Variants in ITPR1 observed in about 807,000 individuals in gnomAD.
ITPR1 encodes the protein inositol 1,4,5-trisphosphate-gated calcium channel ITPR1.
Under a neutral mutation model 318.4 loss-of-function variants are expected in ITPR1, and 96 were observed. The ratio of observed to expected loss-of-function variants is 0.30; its 90% CI spans 0.26 to 0.36. ITPR1 has a LOEUF of 0.36. ITPR1 is among the 10% of genes least tolerant of loss of function. The pLI is 1.00. For missense variants in ITPR1, 2,440 were observed against 3,460.2 expected (o/e 0.71, Z 7.40); for synonymous variants, 1,312 against 1,289.9 (o/e 1.02, Z -0.37).
intron 2 of ITPR1, among the ~76,000 whole-genome samples, chr3:4,501,937 G>A (rs376207408): frequency 2.0e-3 from 309 of 152,246 alleles, no homozygotes; most frequent in African/African-American, 7.0e-3. Flanking sequence ...GATATAATGC[G>A]GCTTATCAGA....
chr3:4,518,760 C>T (rs76827887), intron 3 of ITPR1, among the ~76,000 whole-genome samples: 1 of 152,130 alleles, frequency 6.6e-6, no homozygotes. Flanking sequence ...TCTGAATTGC[C>T]TTTTTAGCTT....
intron 5 of ITPR1, among the ~76,000 whole-genome samples, chr3:4,632,476 A>G (rs780133880): frequency 1.2e-4 from 19 of 152,134 alleles, no homozygotes; most frequent in Admixed American, 1.0e-3. Context: ...GGGCAGCTCT[A>G]CTTCCCTACT....
In ITPR1 at chr3:4,779,798, G is replaced by A. The variant is rs1021313132; in HGVS notation, c.6387+153G>A. The stretch of plus-strand genomic sequence containing the variant: ...GAATTCAGGCCTCTGACTGAGTAGA[G>A]AAGTGAAATATTTTGGTTGGTGCAA... On this transcript the variant is annotated intron_variant, in intron 49 of 61. Coordinates refer to ENST00000649015, the MANE Select transcript of ITPR1 (RefSeq NM_001378452.1). The surrounding 1 kb of genome is among the most constrained non-coding windows in gnomAD (Gnocchi z 4.0). Among the ~76,000 whole-genome samples, 1 of 151,566 alleles carries A rather than the reference G, an allele frequency of 6.6e-6. No individual in the cohort carries two copies. Among genetic ancestry groups the A allele is most frequent in the African/African-American group, 2.4e-5 (1 of 41,304 alleles).
chr3:4,693,597 C>T lies in ITPR1; in HGVS notation c.4137C>T (p.Ser1379=). Residue 1379 remains serine (S), a synonymous_variant, in exon 33 of 62, where the codon AGC becomes AGT. Transcript: ENST00000649015. ...RSERDRMDEN[S]PLMYHIHLVE... ...AACGGGATCGGATGGATGAGAACAGCCCTCTCATGTACCACATCCACTTGG... is the reference window on the plus strand; with the variant it reads ...AACGGGATCGGATGGATGAGAACAGTCCTCTCATGTACCACATCCACTTGG... 1 of 1,614,034 alleles carries T rather than the reference C, an allele frequency of 6.2e-7. No individual in the cohort carries two copies. Among genetic ancestry groups the T allele is most frequent in the Admixed American group, 1.7e-5 (1 of 60,022 alleles).
chr3:4,614,857 T>C (rs2092321917), intron 4 of ITPR1, among the ~76,000 whole-genome samples: 1 of 152,202 alleles, frequency 6.6e-6, no homozygotes, highest in Non-Finnish European at 1.5e-5. Flanking sequence ...CTCTTATTTT[T>C]TTCAGCGTTT....
At chr3:4,581,917 G>A (rs965786764) in intron 4 of ITPR1, among the ~76,000 whole-genome samples, 1 of 151,266 alleles carries the variant, frequency 6.6e-6, no homozygotes, top group Admixed American at 6.6e-5. Flanking sequence ...TTTGGGTCTT[G>A]AAGATTTTGT....
At chr3:4,831,172 C>T (rs1472157086) in intron 60 of ITPR1, 1 of 378,412 alleles carries the variant, frequency 2.6e-6, no homozygotes, top group South Asian at 1.9e-5. Context: ...CTCTCTCTGT[C>T]TCTCTCCCTC....
At chr3:4,576,190 A>G (rs1054005719) in intron 4 of ITPR1, among the ~76,000 whole-genome samples, 1 of 152,216 alleles carries the variant, frequency 6.6e-6, no homozygotes, top group African/African-American at 2.4e-5. Flanking sequence ...TTTACTGTTA[A>G]GTACATTGAG....
At chr3:4,595,384 C>T (rs952228564) in intron 4 of ITPR1, among the ~76,000 whole-genome samples, 3 of 152,100 alleles carry the variant, frequency 2.0e-5, no homozygotes, top group African/African-American at 7.2e-5. Flanking sequence ...AGCCAGATCT[C>T]GTGAGAACTC....
At chr3:4,638,780 G>A (rs919899296) in intron 5 of ITPR1, among the ~76,000 whole-genome samples, 2 of 152,004 alleles carry the variant, frequency 1.3e-5, no homozygotes, top group Admixed American at 6.6e-5. Context: ...TTCTTTTCAC[G>A]GAATGATTAT....
chr3:4,591,242 C>T (rs1033048295), intron 4 of ITPR1, among the ~76,000 whole-genome samples: 1 of 152,180 alleles, frequency 6.6e-6, no homozygotes, highest in African/African-American at 2.4e-5. Flanking sequence ...GGTGTATACT[C>T]AGTCATGGGA....
intron 32 of ITPR1, 106 bp from the exon 33 acceptor site, chr3:4,693,384 A>G (rs1330112933): frequency 8.0e-7 from 1 of 1,242,886 alleles, no homozygotes; most frequent in African/African-American, 1.5e-5. Flanking sequence ...CTGATTTGGG[A>G]AGATAAATGC....
intron 17 of ITPR1, among the ~76,000 whole-genome samples, chr3:4,665,949 C>G (rs1258745283): frequency 6.6e-6 from 1 of 152,012 alleles, no homozygotes; most frequent in East Asian, 1.9e-4. Context: ...ATCTGGAGAC[C>G]CTTTTGAGTT....
At chr3:4,844,942 G>A (rs1194919427) in intron 61 of ITPR1, among the ~76,000 whole-genome samples, 1 of 152,156 alleles carries the variant, frequency 6.6e-6, no homozygotes, top group Non-Finnish European at 1.5e-5. Flanking sequence ...CTTGTTTTAT[G>A]TTCTCTCCAG....
chr3:4,705,981 T>C (rs1024099677), intron 36 of ITPR1, among the ~76,000 whole-genome samples, 186 bp from the exon 37 acceptor site: 7 of 152,198 alleles, frequency 4.6e-5, no homozygotes, highest in African/African-American at 1.7e-4. Flanking sequence ...GAATTCACAC[T>C]GGGAAACCCT....
chr3:4,531,810 G>A (rs2083437095), intron 4 of ITPR1, among the ~76,000 whole-genome samples: 1 of 152,096 alleles, frequency 6.6e-6, no homozygotes, highest in South Asian at 2.1e-4. Context: ...CTCCTCTGGG[G>A]CACCTTTACT....
rs79366372 is a variant in ITPR1, at chr3:4,807,099, AAG to A, written c.7272+837_7272+838del. 0.012 allele frequency among the ~76,000 whole-genome samples: 288 copies of A among 23,254 alleles called. 12 individuals are homozygous for A. The Middle Eastern group carries it at 0.12, about 10-fold the overall frequency. The allele number at this position is 23,254 out of a possible 152,430, so 15.3% of individuals were successfully genotyped here. A position where few individuals can be genotyped will look rare whatever the true frequency, so the allele number is the denominator to read the frequency against. On this transcript the variant is annotated intron_variant, in intron 55 of 61. Transcript: ENST00000649015. ...ACTTACAAAGAGAGGGGGGCTTACA[AAG>A]AGAGGGGGGCTTACAAAGAGAGGGG... is the stretch of plus-strand genomic sequence containing the variant.
chr3:4,688,387 C>T, intron 30 of ITPR1, 108 bp from the exon 31 acceptor site: 1 of 1,345,366 alleles, frequency 7.4e-7, no homozygotes, highest in Non-Finnish European at 1.0e-6. Context: ...CACAACAGGT[C>T]CCCAGCAAAC....
In ITPR1 at chr3:4,847,117, C is replaced by CCAAA. The variant is rs1418433420; in HGVS notation, c.*896_*899dup. 3 of 152,524 alleles carry CCAAA rather than the reference C, an allele frequency of 2.0e-5. No homozygotes were observed. The highest frequency in any genetic ancestry group is 7.2e-5 in the African/African-American group (3 of 41,418). The allele number at this position is 152,524 out of a possible 1,614,324, so 9.4% of individuals were successfully genotyped here. ...ATTGATGGTTTCTAGATTATCTAGT[C>CCAAA]CAAACAATAGAGTTTATTTTTTCTT... On this transcript the variant is annotated 3_prime_UTR_variant, in exon 62 of 62. Coordinates refer to ENST00000649015, the MANE Select transcript of ITPR1 (RefSeq NM_001378452.1).
Sources: gnomAD v4.1 joint callset for allele counts (sites outside exome capture counted in the v4.1 genomes callset) on GRCh38, gnomAD v4.1.1 for gene constraint, Gnocchi (gnomAD v3.1) non-coding constraint, MANE v1.5 for transcripts, NCBI Gene and HGNC (gene_info 2026-07-23, HGNC 2026-07-21) for gene names.